Variants in CHM observed in about 807,000 individuals in gnomAD.
The protein encoded by CHM is CHM Rab escort protein.
Under a neutral mutation model 49.0 loss-of-function variants are expected in CHM, and 10 were observed. That is an observed-to-expected ratio of 0.20 (90% CI 0.13 to 0.35). The LOEUF (loss-of-function observed/expected upper bound fraction) is 0.35. CHM is among the 10% of genes least tolerant of loss of function. The probability of loss-of-function intolerance (pLI) is 1.00; values close to 1 mark genes in which losing one functional copy is unlikely to be tolerated. For synonymous variants in CHM, 184 were observed against 167.5 expected (o/e 1.10, Z -0.76); for missense variants, 455 against 478.4 (o/e 0.95, Z 0.46).
intron 8 of CHM, among the ~76,000 whole-genome samples, chrX:85,922,771 G>A (rs998361013): frequency 9.0e-6 from 1 of 111,622 alleles, no homozygotes; most frequent in African/African-American, 3.3e-5. Flanking sequence ...AAACAGTTAC[G>A]TTCAAAACAA....
intron 4 of CHM, among the ~76,000 whole-genome samples, chrX:85,975,702 T>C (rs1212241184): frequency 8.9e-6 from 1 of 112,285 alleles, no homozygotes; most frequent in Non-Finnish European, 1.9e-5. Context: ...AAAATAATAG[T>C]AGGGGTCCTT....
At chrX:86,030,995 T>G (rs1187889792) in intron 1 of CHM, among the ~76,000 whole-genome samples, 1 of 111,622 alleles carries the variant, frequency 9.0e-6, no homozygotes, top group African/African-American at 3.3e-5. Flanking sequence ...CTATCCATTC[T>G]TCTGTTGATG....
At chrX:86,018,079 C>T (rs762517444) in intron 2 of CHM, among the ~76,000 whole-genome samples, 1 of 112,039 alleles carries the variant, frequency 8.9e-6, no homozygotes, top group Non-Finnish European at 1.9e-5. Context: ...TGATGTCATG[C>T]AGAGCTCATT....
At chrX:86,017,751 G>A (rs1031532615) in intron 2 of CHM, among the ~76,000 whole-genome samples, 25 of 110,987 alleles carry the variant, frequency 2.3e-4, no homozygotes, top group Non-Finnish European at 3.8e-4. Context: ...AAAAAGCTAC[G>A]AAAAAGCTAG....
At chrX:86,027,670 T>A in intron 1 of CHM, 113 bp from the exon 2 acceptor site, 2 of 572,985 alleles carry the variant, frequency 3.5e-6, no homozygotes, top group Non-Finnish European at 5.9e-6. Context: ...AAGAGACCCA[T>A]CCTTGCTTGT....
intron 4 of CHM, among the ~76,000 whole-genome samples, chrX:85,976,875 A>ACACACAC (rs371385149): frequency 3.9e-5 from 3 of 76,311 alleles, no homozygotes; most frequent in Admixed American, 1.8e-4. Flanking sequence ...AACACACACA[A>ACACACAC]ACACACACAC....
At chrX:85,875,549 G>A (rs1924357748) in intron 13 of CHM, among the ~76,000 whole-genome samples, 1 of 111,797 alleles carries the variant, frequency 8.9e-6, no homozygotes, top group Non-Finnish European at 1.9e-5. Context: ...TGCATGCCAT[G>A]TTTAGGGATA....
intron 8 of CHM, among the ~76,000 whole-genome samples, chrX:85,953,551 A>G (rs1929857416): frequency 8.9e-6 from 1 of 111,837 alleles, no homozygotes; most frequent in Admixed American, 9.5e-5. Flanking sequence ...CCAAAACAGC[A>G]TGGTACTGGC....
chrX:85,901,536 CT>C (rs367913666), intron 9 of CHM, among the ~76,000 whole-genome samples: 3,418 of 110,380 alleles, frequency 0.031, 135 homozygotes, highest in African/African-American at 0.11. Context: ...AGAAAACAGG[CT>C]TTTTTTTCCC....
intron 8 of CHM, among the ~76,000 whole-genome samples, chrX:85,943,279 G>GGATAT (rs1324088233): frequency 9.0e-6 from 1 of 110,900 alleles, no homozygotes; most frequent in Non-Finnish European, 1.9e-5. Flanking sequence ...AGTGGGCAAA[G>GGATAT]GATATGAACA....
chrX:85,973,172 G>GCTC (rs1931045999), intron 4 of CHM, among the ~76,000 whole-genome samples: 2 of 106,331 alleles, frequency 1.9e-5, no homozygotes, highest in Admixed American at 1.0e-4. Context: ...GGTGGCACGT[G>GCTC]CCTGTAGTCC....
chrX:85,913,885 G>A (rs1490377833), intron 8 of CHM, among the ~76,000 whole-genome samples: 1 of 110,491 alleles, frequency 9.1e-6, no homozygotes. Flanking sequence ...AGCATACTGC[G>A]AACAGATCTT....
At chrX:85,888,583 G>A (rs983508074) in intron 12 of CHM, among the ~76,000 whole-genome samples, 1 of 111,574 alleles carries the variant, frequency 9.0e-6, no homozygotes, top group African/African-American at 3.3e-5. Flanking sequence ...AAAGCAGACT[G>A]GCTAGAGAAC....
chrX:85,902,225 T>C lies in CHM; in HGVS notation c.1245-1037A>G, dbSNP rs781578370. Among the ~76,000 whole-genome samples, 132 of 111,811 alleles carry C rather than the reference T, an allele frequency of 1.2e-3. No homozygotes were observed. The Middle Eastern group carries it at 0.032, about 27-fold the overall frequency. On this transcript the variant is annotated intron_variant, in intron 9 of 14. Coordinates refer to ENST00000357749, the MANE Select transcript of CHM (RefSeq NM_000390.4). ...TGCAAGCAAATTAATTCCAAAAGCA[T>C]ACTGTAAAATATACTGGTATAAGTT... is the stretch of plus-strand genomic sequence containing the variant.
chrX:85,997,689 C>T (rs998201111), intron 2 of CHM, among the ~76,000 whole-genome samples: 2 of 111,464 alleles, frequency 1.8e-5, no homozygotes, highest in Admixed American at 9.5e-5. Context: ...GTGGCGGTGG[C>T]TCACACCTGT....
chrX:85,896,272 T>A (rs910002612), intron 11 of CHM, among the ~76,000 whole-genome samples: 5 of 110,558 alleles, frequency 4.5e-5, no homozygotes, highest in African/African-American at 1.6e-4. Context: ...AGATTTGAAG[T>A]AGACAAGATG....
Position 85,889,527 on chromosome X carries a change from G to A in CHM, c.1510+4661C>T, listed in dbSNP as rs780659911. Among the ~76,000 whole-genome samples the A allele has an allele frequency of 1.6e-3, 181 of 111,837 alleles. 1 individual carries two copies. The highest frequency in any genetic ancestry group is 5.4e-3 in the African/African-American group (166 of 30,799). Reference sequence around the variant, plus strand: ...ACACCATCTCACCCCAGTCAGAACGGCTATTATTAAAAATGCAAAAAATAA... The same window carrying A: ...ACACCATCTCACCCCAGTCAGAACGACTATTATTAAAAATGCAAAAAATAA... On this transcript the variant is annotated intron_variant, in intron 12 of 14. Coordinates refer to ENST00000357749, the MANE Select transcript of CHM (RefSeq NM_000390.4).
At chrX:85,941,620 C>T (rs1020520755) in intron 8 of CHM, among the ~76,000 whole-genome samples, 4 of 111,256 alleles carry the variant, frequency 3.6e-5, no homozygotes, top group African/African-American at 1.3e-4. Context: ...AAAAACCTGC[C>T]ACCTATTTTT....
At position 85,911,320 on chromosome X, in the gene CHM, A is replaced by G. The variant is rs146153014; in HGVS notation, c.1185T>C (p.Gly395=). The G allele has an allele frequency of 4.2e-5, 44 of 1,039,808 alleles. No individual in the cohort carries two copies. In the African/African-American group the frequency reaches 9.2e-4, roughly 22 times the overall value. The allele number at this position is 1,039,808 out of a possible 1,213,427, so 85.7% of individuals were successfully genotyped here. A position where few individuals can be genotyped will look rare whatever the true frequency, so the allele number is the denominator to read the frequency against. ...CTGAATGGCGAAGACAATAAATTCCACCAAACACAGCACACATCCTAGAAA... is the reference window on the plus strand; with the variant it reads ...CTGAATGGCGAAGACAATAAATTCCGCCAAACACAGCACACATCCTAGAAA... ...QCFCRMCAVF[G]GIYCLRHSVQ... The change falls in exon 9 of 15, where the codon GGT becomes GGC. Residue 395 remains glycine, a synonymous_variant. Transcript: ENST00000357749.
Sources: allele counts gnomAD v4.1 joint callset (sites outside exome capture counted in the v4.1 genomes callset), GRCh38; gene constraint gnomAD v4.1.1; transcripts MANE v1.5; gene names NCBI Gene and HGNC (gene_info 2026-07-23, HGNC 2026-07-21).